The following TMCO4 variants were observed in gnomAD, a reference collection of about 807,000 sequenced individuals.
TMCO4 encodes transmembrane and coiled-coil domains 4.
In TMCO4, 58 loss-of-function variants were observed where a neutral mutation model predicts 64.7. The ratio of observed to expected loss-of-function variants is 0.90; its 90% CI spans 0.73 to 1.12. The LOEUF is 1.12. Among genes scored for constraint, TMCO4 ranks in the 50% most tolerant of loss-of-function variants. The pLI, the probability that TMCO4 is intolerant of heterozygous loss-of-function variation, is 0.00. For synonymous variants in TMCO4, 325 were observed against 346.1 expected, an observed-to-expected ratio of 0.94 and a Z score of 0.68; for missense variants, 780 against 825.9, an observed-to-expected ratio of 0.94 and a Z score of 0.68.
intron 6 of TMCO4, among the ~76,000 whole-genome samples, chr1:19,768,986 T>C (rs2101012867): frequency 6.6e-6 from 1 of 152,300 alleles, no homozygotes; most frequent in Non-Finnish European, 1.5e-5. Context: ...GTGACCTACA[T>C]GTCCTGCCAC....
At chr1:19,781,026 C>T (rs140926786) in intron 3 of TMCO4, among the ~76,000 whole-genome samples, 50 of 150,246 alleles carry the variant, frequency 3.3e-4, no homozygotes, top group African/African-American at 1.0e-3. Flanking sequence ...GAAAAAGAAA[C>T]GAAGCAAATT....
chr1:19,693,897 G>A (rs929130371), intron 15 of TMCO4, among the ~76,000 whole-genome samples: 14 of 152,168 alleles, frequency 9.2e-5, no homozygotes, highest in Non-Finnish European at 1.8e-4. Flanking sequence ...GCCCTGGGTG[G>A]GGGGGACTCG....
chr1:19,727,880 A>G (rs2095415314), intron 13 of TMCO4, among the ~76,000 whole-genome samples: 1 of 152,242 alleles, frequency 6.6e-6, no homozygotes, highest in South Asian at 2.1e-4. Context: ...AGCCATAAAA[A>G]TGAATGAGAT....
chr1:19,692,632 A>C (rs962962841), intron 15 of TMCO4, among the ~76,000 whole-genome samples: 1 of 151,528 alleles, frequency 6.6e-6, no homozygotes, highest in Non-Finnish European at 1.5e-5. Flanking sequence ...CTATAATCCC[A>C]GCTATTTGGG....
Position 19,739,877 on chromosome 1 carries a change from G to T in TMCO4, c.1126C>A (p.Arg376=), listed in dbSNP as rs778002131. The change falls in exon 12 of 16, where the codon CGA becomes AGA. Residue 376 remains arginine (R), a synonymous_variant. Coordinates refer to ENST00000294543, the MANE Select transcript of TMCO4 (RefSeq NM_181719.7). The stretch of plus-strand genomic sequence containing the variant: ...AGGTGCTTGCCAACCTCTGCTGATC[G>T]ATGGAGACACACCCCCCAGGGGTTG... ...IDNPWGVCLH[R]SAEVGKHLAH... The T allele has an allele frequency of 6.2e-7, 1 of 1,613,986 alleles. No individual in the cohort carries two copies. Among genetic ancestry groups the T allele is most frequent in the Non-Finnish European group, 8.5e-7 (1 of 1,179,968 alleles).
chr1:19,690,595 T>G (rs2095185343), intron 15 of TMCO4, among the ~76,000 whole-genome samples: 1 of 152,156 alleles, frequency 6.6e-6, no homozygotes, highest in Non-Finnish European at 1.5e-5. Flanking sequence ...ACCGAGTAGA[T>G]GGGGTGCCCC....
intron 15 of TMCO4, among the ~76,000 whole-genome samples, chr1:19,687,341 C>T (rs553204666): frequency 1.4e-4 from 21 of 152,278 alleles, no homozygotes; most frequent in South Asian, 4.1e-4. Flanking sequence ...CCTGCTTCAG[C>T]GTCCTAAATT....
chr1:19,712,291 C>CAAACATCACTGATCACCAT (rs1330881838), intron 13 of TMCO4, among the ~76,000 whole-genome samples: 20 of 152,262 alleles, frequency 1.3e-4, no homozygotes, highest in Admixed American at 1.2e-3. Flanking sequence ...ATAGTAACAT[C>CAAACATCACTGATCACCAT]AAACATCACT....
chr1:19,687,408 T>C (rs1275018209), intron 15 of TMCO4, among the ~76,000 whole-genome samples: 2 of 152,182 alleles, frequency 1.3e-5, no homozygotes, highest in Non-Finnish European at 2.9e-5. Context: ...TAAAGAGACA[T>C]CATGCAATTT....
At chr1:19,762,824 G>A (rs1407535628) in intron 6 of TMCO4, among the ~76,000 whole-genome samples, 4 of 152,172 alleles carry the variant, frequency 2.6e-5, no homozygotes, top group East Asian at 1.9e-4. Context: ...ATGGTGGGTC[G>A]GGGCTGACCT....
intron 13 of TMCO4, among the ~76,000 whole-genome samples, chr1:19,727,895 C>T (rs995429008): frequency 2.0e-5 from 3 of 152,140 alleles, no homozygotes; most frequent in African/African-American, 4.8e-5. Context: ...TGAGATCATG[C>T]CCTCTGCAGA....
intron 13 of TMCO4, among the ~76,000 whole-genome samples, chr1:19,727,064 C>T (rs1265817256): frequency 6.6e-6 from 1 of 152,094 alleles, no homozygotes; most frequent in Non-Finnish European, 1.5e-5. Flanking sequence ...GTGGGTTCAG[C>T]CCCGGATGGG....
At chr1:19,702,062 T>C (rs188114603) in intron 13 of TMCO4, among the ~76,000 whole-genome samples, 23 of 152,124 alleles carry the variant, frequency 1.5e-4, no homozygotes, top group African/African-American at 5.1e-4. Flanking sequence ...CTCCGCCTCC[T>C]GGGTTCACAC....
intron 13 of TMCO4, among the ~76,000 whole-genome samples, chr1:19,718,860 C>T (rs951727513): frequency 1.3e-5 from 2 of 151,990 alleles, no homozygotes; most frequent in Non-Finnish European, 2.9e-5. Flanking sequence ...CCGAGGAATG[C>T]GGCGGCACCA....
Position 19,737,457 on chromosome 1 carries a change from CT to C in TMCO4, c.1180-2del, listed in dbSNP as rs752129311. 5 of 1,613,848 alleles carry C rather than the reference CT, an allele frequency of 3.1e-6. No individual in the cohort carries two copies. Among genetic ancestry groups the C allele is most frequent in the Admixed American group, 1.7e-5 (1 of 60,018 alleles). On this transcript the variant is annotated splice_acceptor_variant, in intron 12 of 15. Transcript: ENST00000294543. LOFTEE classifies it high-confidence loss of function. ...CAATCAAGGTGACAGGTCGTCGCCC[CT>C]GAAGGGAAAAAGGACACAGGTGTCT...
chr1:19,682,615 G>A lies in TMCO4; in HGVS notation c.*425C>T, dbSNP rs753020344. The A allele has an allele frequency of 1.0e-4, 73 of 717,406 alleles. No homozygotes were observed. Among genetic ancestry groups the A allele is most frequent in the South Asian group, 1.8e-4 (12 of 67,602 alleles). The allele number at this position is 717,406 out of a possible 1,614,324, so 44.4% of individuals were successfully genotyped here. ...CCCTGGAGTGTGGATGGAAGAACAG[G>A]CATGCACCTGGTTTTATTGAGGCCA... On this transcript the variant is annotated 3_prime_UTR_variant, in exon 16 of 16. Coordinates refer to ENST00000294543, the MANE Select transcript of TMCO4 (RefSeq NM_181719.7).
intron 3 of TMCO4, among the ~76,000 whole-genome samples, chr1:19,786,381 G>A (rs909321945): frequency 2.0e-5 from 3 of 152,246 alleles, no homozygotes; most frequent in Non-Finnish European, 4.4e-5. Flanking sequence ...CCCAGCACTG[G>A]CTCCCTGGAG....
intron 13 of TMCO4, among the ~76,000 whole-genome samples, chr1:19,702,697 G>A (rs1183385974): frequency 6.6e-6 from 1 of 152,232 alleles, no homozygotes; most frequent in Admixed American, 6.5e-5. Context: ...CCAGGAGTTT[G>A]AGGCCACAGT....
At chr1:19,796,811 A>G (rs891103479) in intron 2 of TMCO4, among the ~76,000 whole-genome samples, 4 of 152,058 alleles carry the variant, frequency 2.6e-5, no homozygotes, top group East Asian at 3.9e-4. Flanking sequence ...TTGACCTCGT[A>G]ATCTGCCCTC....
Sources: gnomAD v4.1 joint callset for allele counts (sites outside exome capture counted in the v4.1 genomes callset) on GRCh38, gnomAD v4.1.1 for gene constraint, MANE v1.5 for transcripts, NCBI Gene and HGNC (gene_info 2026-07-23, HGNC 2026-07-21) for gene names.